CCDC33: variants seen among roughly 807,000 people sequenced by gnomAD.
CCDC33 encodes coiled-coil domain-containing protein 33.
Under a neutral mutation model 91.9 loss-of-function variants are expected in CCDC33, and 94 were observed. The observed-to-expected ratio is 1.02, with a 90% CI of 0.87 to 1.21. CCDC33 has a LOEUF of 1.21. Ranked by LOEUF, CCDC33 falls within the 50% of genes most tolerant of loss-of-function variation. The probability of loss-of-function intolerance (pLI) is 0.00; values close to 1 mark genes in which losing one functional copy is unlikely to be tolerated. For missense variants in CCDC33, 940 were observed against 935.5 expected (o/e 1.00, Z -0.06); for synonymous variants, 396 against 374.5 (o/e 1.06, Z -0.66).
intron 11 of CCDC33, among the ~76,000 whole-genome samples, chr15:74,328,279 T>A (rs1200054597): frequency 2.0e-5 from 3 of 152,136 alleles, no homozygotes; most frequent in African/African-American, 7.2e-5. Context: ...ACCTGTTGAT[T>A]AAAGCAGTGA....
chr15:74,292,395 C>T (rs1340912232), intron 10 of CCDC33, among the ~76,000 whole-genome samples: 7 of 152,158 alleles, frequency 4.6e-5, no homozygotes, highest in African/African-American at 1.7e-4. Flanking sequence ...GCATAATTTC[C>T]TTCCCCAAAT....
chr15:74,326,553 C>A (rs1406837882), intron 11 of CCDC33, among the ~76,000 whole-genome samples: 1 of 152,246 alleles, frequency 6.6e-6, no homozygotes, highest in South Asian at 2.1e-4. Flanking sequence ...AGGCCACCAG[C>A]GCTCAGTGGC....
chr15:74,333,910 C>G lies in CCDC33; in HGVS notation c.1968C>G (p.Phe656Leu). The change falls in exon 17 of 19, where the codon TTC becomes TTG. Residue 656 changes from phenylalanine to leucine, a missense_variant. Physicochemically the swap from Phe to Leu is conservative, Grantham distance 22 (BLOSUM62 0). Transcript: ENST00000398814. ...PDLLSGTSDKFNLLAKLEHAQ... is the reference protein window; with the variant it reads ...PDLLSGTSDKLNLLAKLEHAQ... ...TCCTCTCTGGTACTTCAGACAAGTT[C>G]AACCTCCTGGCCAAGCTGGAACACG... The G allele has an allele frequency of 6.2e-7, 1 of 1,613,690 alleles. No homozygotes were observed. The highest frequency in any genetic ancestry group is 8.5e-7 in the Non-Finnish European group (1 of 1,179,728).
intron 2 of CCDC33, among the ~76,000 whole-genome samples, chr15:74,253,729 T>C (rs1036474190): frequency 3.9e-5 from 6 of 152,190 alleles, no homozygotes; most frequent in African/African-American, 1.4e-4. Context: ...GTTCCTGGCA[T>C]GTGATGCAAT....
chr15:74,277,432 G>A (rs905224742), intron 7 of CCDC33, among the ~76,000 whole-genome samples: 2 of 152,260 alleles, frequency 1.3e-5, no homozygotes, highest in Admixed American at 1.3e-4. Flanking sequence ...ATGGAATGAA[G>A]GCTCTGTCCC....
intron 11 of CCDC33, among the ~76,000 whole-genome samples, chr15:74,315,570 C>T (rs1346271790): frequency 1.3e-5 from 2 of 152,228 alleles, no homozygotes; most frequent in Admixed American, 6.5e-5. Context: ...AGTGCCCAGC[C>T]TATGGTGAGC....
At chr15:74,286,632 G>A (rs748431223) in intron 10 of CCDC33, among the ~76,000 whole-genome samples, 6 of 152,222 alleles carry the variant, frequency 3.9e-5, no homozygotes, top group African/African-American at 7.2e-5. Flanking sequence ...AGTTCATGCC[G>A]TCATCTGGGT....
chr15:74,325,064 G>A (rs1056891244), intron 11 of CCDC33, among the ~76,000 whole-genome samples: 12 of 149,780 alleles, frequency 8.0e-5, no homozygotes, highest in South Asian at 2.1e-4. Flanking sequence ...CCTCCTCTTC[G>A]TTGTTCACTT....
upstream of CCDC33, among the ~76,000 whole-genome samples, chr15:74,233,411 G>A (rs924838303): frequency 6.6e-6 from 1 of 152,228 alleles, no homozygotes; most frequent in Non-Finnish European, 1.5e-5. Flanking sequence ...AACTCTGAGA[G>A]GGCTCCCCGC....
In CCDC33 at chr15:74,280,656, C is replaced by T; in HGVS notation, c.890-12C>T. ...GCTTTGGCAGGAGCCCTAGTTGATC[C>T]TTCCCCCACAGTGAAAGGCAGCCAG... is the stretch of plus-strand genomic sequence containing the variant. On this transcript the variant is annotated splice_polypyrimidine_tract_variant and intron_variant, in intron 8 of 18. Transcript: ENST00000398814. 6.9e-7 allele frequency: 1 copy of T among 1,456,526 alleles called. No homozygotes were observed. Among genetic ancestry groups the T allele is most frequent in the Non-Finnish European group, 9.1e-7 (1 of 1,099,256 alleles). 90.2% of individuals were successfully genotyped at this position (1,456,526 alleles called of 1,614,324 possible).
intron 2 of CCDC33, among the ~76,000 whole-genome samples, chr15:74,228,595 C>T (rs1340805815): frequency 1.3e-5 from 2 of 152,186 alleles, no homozygotes; most frequent in Non-Finnish European, 2.9e-5. Flanking sequence ...GGCCATGGGG[C>T]CCCCACTCCT....
At position 74,276,837 on chromosome 15, in the gene CCDC33, C is replaced by T. The variant is rs548349474; in HGVS notation, c.760-3126C>T. On this transcript the variant is annotated intron_variant, in intron 7 of 18. Coordinates refer to ENST00000398814, the MANE Select transcript of CCDC33 (RefSeq NM_025055.5). ...GGCCTTCCTCTTCCTTACCTACTGCCCTTGTCCTTCAGGTCCTCCCTGAGG... is the reference window on the plus strand; with the variant it reads ...GGCCTTCCTCTTCCTTACCTACTGCTCTTGTCCTTCAGGTCCTCCCTGAGG... Among the ~76,000 whole-genome samples, 134 of 152,348 alleles carry T rather than the reference C, an allele frequency of 8.8e-4. 1 individual carries two copies. Among genetic ancestry groups the T allele is most frequent in the African/African-American group, 3.1e-3 (128 of 41,586 alleles).
chr15:74,275,547 C>T (rs149222259), intron 7 of CCDC33, among the ~76,000 whole-genome samples: 6 of 152,314 alleles, frequency 3.9e-5, no homozygotes, highest in Non-Finnish European at 7.3e-5. Context: ...GGTGGATGCT[C>T]AGGCTCAGAA....
chr15:74,233,907 G>C (rs999917098), upstream of CCDC33, among the ~76,000 whole-genome samples: 3 of 152,016 alleles, frequency 2.0e-5, no homozygotes, highest in African/African-American at 7.2e-5. Context: ...GCCCAAATGT[G>C]GGGGTGGGAC....
chr15:74,246,555 C>T (rs2075535398), intron 2 of CCDC33, among the ~76,000 whole-genome samples: 1 of 152,176 alleles, frequency 6.6e-6, no homozygotes, highest in Non-Finnish European at 1.5e-5. Flanking sequence ...AAATGGCCAA[C>T]AGGCACATGA....
At chr15:74,240,140 C>T (rs546753197) in intron 1 of CCDC33, among the ~76,000 whole-genome samples, 17 of 152,392 alleles carry the variant, frequency 1.1e-4, no homozygotes, top group Admixed American at 2.0e-4. Flanking sequence ...CACCAGGAGG[C>T]GCCAGCCTGG....
At chr15:74,271,675 C>T (rs2076320774) in intron 5 of CCDC33, 28 bp from the exon 6 acceptor site, 2 of 1,581,960 alleles carry the variant, frequency 1.3e-6, no homozygotes, top group South Asian at 2.2e-5. Context: ...ACATGGTGTT[C>T]ACCTGCCTCC....
At chr15:74,305,042 G>T (rs2059868527) in intron 11 of CCDC33, among the ~76,000 whole-genome samples, 1 of 151,890 alleles carries the variant, frequency 6.6e-6, no homozygotes, top group South Asian at 2.1e-4. Flanking sequence ...CGCCTCCCAG[G>T]TTCAAGTGAT....
Position 74,280,703 on chromosome 15 carries a change from C to G in CCDC33, c.925C>G (p.Leu309Val). The G allele has an allele frequency of 6.5e-7, 1 of 1,549,740 alleles. No homozygotes were observed. Residue 309 changes from leucine (L) to valine (V), a missense_variant, in exon 9 of 19, where the codon CTG becomes GTG. Physicochemically the swap from Leu to Val is conservative, Grantham distance 32 (BLOSUM62 1). Transcript: ENST00000398814. ...GSQPWTLNQP[L>V]GISVLPLKSR... ...CCAGCCGTGGACCCTCAACCAGCCCCTGGGCATCTCTGTGTTGCCGCTAAA... is the reference window on the plus strand; with the variant it reads ...CCAGCCGTGGACCCTCAACCAGCCCGTGGGCATCTCTGTGTTGCCGCTAAA...
Sources: gnomAD v4.1 joint callset for allele counts (sites outside exome capture counted in the v4.1 genomes callset) on GRCh38, gnomAD v4.1.1 for gene constraint, MANE v1.5 for transcripts, NCBI Gene and HGNC (gene_info 2026-07-23, HGNC 2026-07-21) for gene names.